The following NWD2 variants were observed in gnomAD, a reference collection of about 807,000 sequenced individuals.
NWD2 encodes the protein NACHT and WD repeat domain containing 2, also known as NACHT and WD repeat domain-containing protein 2.
Under a neutral mutation model 132.7 loss-of-function variants are expected in NWD2, and 37 were observed. The observed-to-expected ratio is 0.28, with a 90% CI of 0.21 to 0.37. The LOEUF (loss-of-function observed/expected upper bound fraction) is 0.37, where lower values mean the gene tolerates loss of function less well. NWD2 is among the 10% of genes least tolerant of loss of function. The probability of loss-of-function intolerance (pLI) is 1.00; values close to 1 mark genes in which losing one functional copy is unlikely to be tolerated. For missense variants in NWD2, 1,592 were observed against 2,122.4 expected (o/e 0.75, Z 4.91); for synonymous variants, 705 against 803.0 (o/e 0.88, Z 2.06).
chr4:37,244,908 C>T lies in NWD2; in HGVS notation c.-160C>T. The T allele has an allele frequency of 3.4e-6, 3 of 875,482 alleles. No homozygotes were observed. Among genetic ancestry groups the T allele is most frequent in the East Asian group, 3.0e-5 (1 of 33,554 alleles). 54.2% of individuals were successfully genotyped at this position (875,482 alleles called of 1,614,324 possible). On this transcript the variant is annotated 5_prime_UTR_variant, in exon 1 of 7. Coordinates refer to ENST00000309447, the MANE Select transcript of NWD2 (RefSeq NM_001144990.2). This position sits in a 1 kb window ranked among gnomAD's most constrained non-coding sequence, Gnocchi z 5.5. Reference sequence around the variant, plus strand: ...CTTCTCCTCGCCGGCGGGTGCTGTGCGCCACGGAGCTCGCCAAAGGCGCTT... The same window carrying T: ...CTTCTCCTCGCCGGCGGGTGCTGTGTGCCACGGAGCTCGCCAAAGGCGCTT...
intron 1 of NWD2, among the ~76,000 whole-genome samples, chr4:37,250,641 G>A (rs1717339035): frequency 6.6e-6 from 1 of 152,176 alleles, no homozygotes; most frequent in Admixed American, 6.5e-5. Flanking sequence ...CCATGATCCA[G>A]ACACTGTGCA....
intron 1 of NWD2, among the ~76,000 whole-genome samples, chr4:37,307,630 T>G (rs1050237485): frequency 5.3e-5 from 8 of 152,226 alleles, no homozygotes; most frequent in Non-Finnish European, 1.0e-4. Flanking sequence ...ATTTGGGGAC[T>G]TTTTAGTTTC....
intron 1 of NWD2, among the ~76,000 whole-genome samples, chr4:37,259,077 A>G (rs994517609): frequency 1.1e-4 from 17 of 152,192 alleles, no homozygotes; most frequent in African/African-American, 3.1e-4. Context: ...GCAGATTTCA[A>G]GGACATGAGT....
At chr4:37,361,757 T>A (rs1719986626) in intron 3 of NWD2, among the ~76,000 whole-genome samples, 1 of 152,156 alleles carries the variant, frequency 6.6e-6, no homozygotes, top group South Asian at 2.1e-4. Flanking sequence ...CCTTGAGGAC[T>A]GGAAGAACAT....
At chr4:37,275,596 C>A (rs1451127729) in intron 1 of NWD2, among the ~76,000 whole-genome samples, 1 of 152,064 alleles carries the variant, frequency 6.6e-6, no homozygotes, top group Non-Finnish European at 1.5e-5. Context: ...CATATGGAAT[C>A]AAAAAAGAGC....
At chr4:37,338,793 C>A (rs1473633886) in intron 2 of NWD2, among the ~76,000 whole-genome samples, 1 of 152,222 alleles carries the variant, frequency 6.6e-6, no homozygotes, top group Non-Finnish European at 1.5e-5. Flanking sequence ...TGAGCCCAAT[C>A]TCCTTCTCTG....
intron 1 of NWD2, among the ~76,000 whole-genome samples, chr4:37,273,757 A>G (rs563919096): frequency 1.3e-5 from 2 of 152,108 alleles, no homozygotes; most frequent in East Asian, 3.9e-4. Flanking sequence ...CAATCAAACT[A>G]AACTCAGGAT....
intron 2 of NWD2, among the ~76,000 whole-genome samples, chr4:37,326,792 T>C (rs1004474746): frequency 5.3e-5 from 8 of 152,204 alleles, no homozygotes; most frequent in Non-Finnish European, 1.2e-4. Flanking sequence ...GTGATGAATA[T>C]GTAATAGAGG....
At chr4:37,277,041 G>A (rs1257627815) in intron 1 of NWD2, among the ~76,000 whole-genome samples, 1 of 151,886 alleles carries the variant, frequency 6.6e-6, no homozygotes, top group African/African-American at 2.4e-5. Flanking sequence ...GTTGAATGAC[G>A]AGTTAATGGG....
chr4:37,421,141 G>A (rs550526393), intron 3 of NWD2, among the ~76,000 whole-genome samples: 1 of 152,176 alleles, frequency 6.6e-6, no homozygotes, highest in Admixed American at 6.5e-5. Context: ...GTCCAAAACT[G>A]TGTCTCCACT....
chr4:37,268,784 T>C (rs959891715), intron 1 of NWD2, among the ~76,000 whole-genome samples: 3 of 151,406 alleles, frequency 2.0e-5, no homozygotes, highest in Non-Finnish European at 3.0e-5. Flanking sequence ...AATGAGTTGA[T>C]AGGGTGGGAC....
intron 2 of NWD2, among the ~76,000 whole-genome samples, chr4:37,335,671 C>T (rs1719393471): frequency 6.6e-6 from 1 of 151,792 alleles, no homozygotes; most frequent in East Asian, 1.9e-4. Context: ...GGAACATGAA[C>T]CCTATCGTGA....
chr4:37,307,661 T>C lies in NWD2; in HGVS notation c.152-18275T>C, dbSNP rs1237524069. ...GTTTCCTGTATCTGAATATCCATAT[T>C]TCTTCCCAAAACTTGGAAGTTTTTA... On this transcript the variant is annotated intron_variant, in intron 1 of 6. Coordinates refer to ENST00000309447, the MANE Select transcript of NWD2 (RefSeq NM_001144990.2). 3.3e-5 allele frequency among the ~76,000 whole-genome samples: 5 copies of C among 152,346 alleles called. No homozygotes were observed. The East Asian group carries it at 9.6e-4, about 29-fold the overall frequency.
At chr4:37,324,401 T>G (rs1005026777) in intron 1 of NWD2, among the ~76,000 whole-genome samples, 13 of 152,176 alleles carry the variant, frequency 8.5e-5, no homozygotes, top group African/African-American at 2.9e-4. Context: ...TAAAGTGGCT[T>G]TTTTGTTATT....
chr4:37,416,942 G>C (rs886719422), intron 3 of NWD2, among the ~76,000 whole-genome samples: 2 of 152,030 alleles, frequency 1.3e-5, no homozygotes, highest in African/African-American at 4.8e-5. Context: ...TGGGAACTGG[G>C]GGGAAAGGGT....
chr4:37,329,761 T>TA (rs769597311), intron 2 of NWD2, among the ~76,000 whole-genome samples: 3 of 151,926 alleles, frequency 2.0e-5, no homozygotes, highest in Non-Finnish European at 2.9e-5. Flanking sequence ...AGTGAGGTGA[T>TA]ATGACTTACC....
rs546825529 is a variant in NWD2, at chr4:37,361,127, G to A, written c.357+4645G>A. On this transcript the variant is annotated intron_variant, in intron 3 of 6. Coordinates refer to ENST00000309447, the MANE Select transcript of NWD2 (RefSeq NM_001144990.2). ...AACACAACCTCCCAATATTGAACAAGGAAGAAACTGAAACCCTAAGCAACC... is the reference window on the plus strand; with the variant it reads ...AACACAACCTCCCAATATTGAACAAAGAAGAAACTGAAACCCTAAGCAACC... Among the ~76,000 whole-genome samples the A allele has an allele frequency of 3.3e-5, 5 of 152,140 alleles. No individual in the cohort carries two copies. The South Asian group carries it at 1.0e-3, about 32-fold the overall frequency.
chr4:37,327,085 G>A (rs933762553), intron 2 of NWD2, among the ~76,000 whole-genome samples: 3 of 152,094 alleles, frequency 2.0e-5, no homozygotes, highest in Non-Finnish European at 4.4e-5. Context: ...CTTCTCTGAG[G>A]AATCTGGTTT....
Position 37,445,414 on chromosome 4 carries a change from T to C in NWD2, c.3426T>C (p.Gly1142=). The change falls in exon 7 of 7, where the codon GGT becomes GGC. Residue 1142 remains glycine, a synonymous_variant. Coordinates refer to ENST00000309447, the MANE Select transcript of NWD2 (RefSeq NM_001144990.2). This position sits in a 1 kb window ranked among gnomAD's most constrained non-coding sequence, Gnocchi z 4.7. ...KLCTVTSEFS[G]GFVKFLLILD... is the part of the protein sequence containing the mutation. Reference sequence around the variant, plus strand: ...GTACAGTGACATCAGAATTTTCAGGTGGATTTGTGAAGTTTCTTCTTATCT... The same window carrying C: ...GTACAGTGACATCAGAATTTTCAGGCGGATTTGTGAAGTTTCTTCTTATCT... 6.4e-7 allele frequency: 1 copy of C among 1,551,968 alleles called. No homozygotes were observed. Among genetic ancestry groups the C allele is most frequent in the Non-Finnish European group, 8.7e-7 (1 of 1,147,042 alleles).
Sources: allele counts gnomAD v4.1 joint callset (sites outside exome capture counted in the v4.1 genomes callset), GRCh38; gene constraint gnomAD v4.1.1; non-coding constraint Gnocchi (gnomAD v3.1); transcripts MANE v1.5; gene names NCBI Gene and HGNC (gene_info 2026-07-23, HGNC 2026-07-21).